SLC13A3: variants seen among roughly 807,000 people sequenced by gnomAD.
The protein encoded by SLC13A3 is Na(+)/dicarboxylate cotransporter 3.
A neutral mutation model predicts 59.0 loss-of-function variants in SLC13A3; 40 were observed. The observed-to-expected ratio is 0.68, with a 90% CI of 0.53 to 0.88. SLC13A3 has a LOEUF of 0.88. Ranked by LOEUF, SLC13A3 falls within the 40% of genes least tolerant of loss-of-function variation. The probability of loss-of-function intolerance (pLI) is 0.00; values close to 1 mark genes in which losing one functional copy is unlikely to be tolerated. For missense variants in SLC13A3, 699 were observed against 783.2 expected (o/e 0.89, Z 1.28); for synonymous variants, 317 against 330.3 (o/e 0.96, Z 0.44).
At chr20:46,630,674 C>T (rs2062727571) in intron 1 of SLC13A3, among the ~76,000 whole-genome samples, 1 of 152,238 alleles carries the variant, frequency 6.6e-6, no homozygotes, top group African/African-American at 2.4e-5. Context: ...GTTCTACTAA[C>T]TTAAACCATA....
chr20:46,666,641 C>T (rs1420865504), intron 1 of SLC13A3, among the ~76,000 whole-genome samples: 3 of 152,052 alleles, frequency 2.0e-5, no homozygotes, highest in Non-Finnish European at 2.9e-5. Context: ...GTAGCTGTAA[C>T]TACAGGCGCA....
At position 46,610,602 on chromosome 20, in the gene SLC13A3, G is replaced by T. The variant is rs1220168779; in HGVS notation, c.385C>A (p.Leu129Met). The change falls in exon 3 of 13, where the codon CTG becomes ATG. Residue 129 changes from leucine (L) to methionine (M), a missense_variant. Physicochemically the swap from Leu to Met is conservative, Grantham distance 15. Transcript: ENST00000279027. ...LVGVQPARLI[L>M]GMMVTTSFLS... Reference sequence around the variant, plus strand: ...AACGAGGTGGTCACCATCATCCCCAGGATGAGCCTGCAGAGCAGATGGCAT... The same window carrying T: ...AACGAGGTGGTCACCATCATCCCCATGATGAGCCTGCAGAGCAGATGGCAT... The T allele has an allele frequency of 6.2e-7, 1 of 1,612,854 alleles. No homozygotes were observed.
At chr20:46,575,794 C>T (rs1323134939) in intron 9 of SLC13A3, 109 bp from the exon 10 acceptor site, 6 of 546,502 alleles carry the variant, frequency 1.1e-5, no homozygotes, top group Non-Finnish European at 1.9e-5. Flanking sequence ...CCCCAGGAAG[C>T]CAAAGTGTGG....
At chr20:46,609,876 C>T (rs2122738097) in intron 3 of SLC13A3, among the ~76,000 whole-genome samples, 1 of 152,196 alleles carries the variant, frequency 6.6e-6, no homozygotes, top group Non-Finnish European at 1.5e-5. Flanking sequence ...AGGAGAATTC[C>T]TTTGGTGTCT....
chr20:46,596,627 AGAT>A (rs1283355247), intron 4 of SLC13A3, among the ~76,000 whole-genome samples: 2 of 152,262 alleles, frequency 1.3e-5, no homozygotes, highest in Non-Finnish European at 2.9e-5. Context: ...CTGATAATAA[AGAT>A]GACTCTCTTC....
At chr20:46,680,610 G>C (rs74743656) in intron 1 of SLC13A3, among the ~76,000 whole-genome samples, 3,515 of 152,316 alleles carry the variant, frequency 0.023, 54 homozygotes, top group Middle Eastern at 0.048. Context: ...CCCAACGACT[G>C]CATAATGTGA....
chr20:46,658,787 T>C (rs2063010011), intron 1 of SLC13A3, among the ~76,000 whole-genome samples: 1 of 152,254 alleles, frequency 6.6e-6, no homozygotes, highest in East Asian at 1.9e-4. Context: ...GATTTGTCTA[T>C]TTCTCACTTT....
intron 1 of SLC13A3, among the ~76,000 whole-genome samples, chr20:46,625,865 T>G (rs975468780): frequency 6.6e-6 from 1 of 152,226 alleles, no homozygotes; most frequent in Non-Finnish European, 1.5e-5. Context: ...CTGAGTAGTA[T>G]TCCATTCTGT....
At chr20:46,616,577 T>G (rs2062557572) in intron 1 of SLC13A3, among the ~76,000 whole-genome samples, 1 of 152,198 alleles carries the variant, frequency 6.6e-6, no homozygotes, top group South Asian at 2.1e-4. Context: ...GACCCTTTTG[T>G]TGGAAAAGCC....
chr20:46,656,532 C>T (rs1308229412), intron 1 of SLC13A3, among the ~76,000 whole-genome samples: 1 of 142,332 alleles, frequency 7.0e-6, no homozygotes, highest in Non-Finnish European at 1.5e-5. Flanking sequence ...ATGATATATA[C>T]TATACAGTAC....
intron 10 of SLC13A3, among the ~76,000 whole-genome samples, chr20:46,571,529 A>G (rs2062028115): frequency 6.6e-6 from 1 of 152,206 alleles, no homozygotes; most frequent in Admixed American, 6.5e-5. Context: ...TTCTCAAAGC[A>G]GCCCATCTTG....
chr20:46,564,767 C>A (rs760929116), intron 11 of SLC13A3, among the ~76,000 whole-genome samples: 2 of 152,306 alleles, frequency 1.3e-5, no homozygotes, highest in East Asian at 1.9e-4. Context: ...AATGCATAGA[C>A]AAGGCTCAGG....
chr20:46,581,400 C>T (rs557045154), intron 9 of SLC13A3, among the ~76,000 whole-genome samples: 2 of 152,168 alleles, frequency 1.3e-5, no homozygotes, highest in East Asian at 1.9e-4. Context: ...TGGACCAACC[C>T]GACTCTTACT....
At chr20:46,676,716 C>T (rs997002594) in intron 1 of SLC13A3, among the ~76,000 whole-genome samples, 25 of 151,658 alleles carry the variant, frequency 1.6e-4, no homozygotes, top group African/African-American at 4.1e-4. Flanking sequence ...CCTCCCCAGT[C>T]GCTGGGACTA....
chr20:46,678,928 G>A (rs1461002394), intron 1 of SLC13A3, among the ~76,000 whole-genome samples: 1 of 152,148 alleles, frequency 6.6e-6, no homozygotes, highest in Non-Finnish European at 1.5e-5. Flanking sequence ...ACAGCCAGTT[G>A]TTTAAAGGAG....
intron 1 of SLC13A3, among the ~76,000 whole-genome samples, chr20:46,661,323 T>A (rs565138272): frequency 2.0e-5 from 3 of 152,216 alleles, no homozygotes; most frequent in Non-Finnish European, 4.4e-5. Flanking sequence ...ATGGAGTTAA[T>A]CGGTTTTACC....
At chr20:46,668,157 G>A (rs2063071682) in intron 1 of SLC13A3, among the ~76,000 whole-genome samples, 1 of 152,130 alleles carries the variant, frequency 6.6e-6, no homozygotes, top group African/African-American at 2.4e-5. Context: ...GTGAAAGAAA[G>A]AGTCATACAT....
At chr20:46,582,176 G>A (rs2146111011) in intron 9 of SLC13A3, among the ~76,000 whole-genome samples, 1 of 152,254 alleles carries the variant, frequency 6.6e-6, no homozygotes, top group Admixed American at 6.5e-5. Flanking sequence ...AGGCTGGAGT[G>A]CAGTGGGTGC....
chr20:46,615,839 C>T (rs186565045), intron 1 of SLC13A3, among the ~76,000 whole-genome samples: 12 of 152,208 alleles, frequency 7.9e-5, no homozygotes, highest in African/African-American at 9.6e-5. Context: ...AAAAGTCTCC[C>T]GCTGGGAGAA....
Sources: allele counts gnomAD v4.1 joint callset (sites outside exome capture counted in the v4.1 genomes callset), GRCh38; gene constraint gnomAD v4.1.1; transcripts MANE v1.5; gene names NCBI Gene and HGNC (gene_info 2026-07-23, HGNC 2026-07-21).